The following DNER variants were observed in gnomAD, a reference collection of about 807,000 sequenced individuals.
The protein encoded by DNER is delta and Notch-like epidermal growth factor-related receptor.
Under a neutral mutation model 78.2 loss-of-function variants are expected in DNER, and 33 were observed. The observed-to-expected ratio is 0.42, with a 90% confidence interval of 0.32 to 0.56. The LOEUF is 0.56. DNER is among the 20% of genes least tolerant of loss of function. The pLI is 0.11. For missense variants in DNER, 918 were observed against 975.3 expected, an observed-to-expected ratio of 0.94 and a Z score of 0.78; for synonymous variants, 417 against 384.8, an observed-to-expected ratio of 1.08 and a Z score of -0.98.
At chr2:229,379,893 C>G (rs1692696261) in intron 11 of DNER, among the ~76,000 whole-genome samples, 1 of 152,190 alleles carries the variant, frequency 6.6e-6, no homozygotes, top group African/African-American at 2.4e-5. Context: ...CCTTTTCAGT[C>G]CCTTGTCTCT....
intron 1 of DNER, among the ~76,000 whole-genome samples, chr2:229,681,448 T>C (rs1197272936): frequency 6.6e-6 from 1 of 152,166 alleles, no homozygotes; most frequent in African/African-American, 2.4e-5. Context: ...TCAGACATGG[T>C]GTTACTCCTT....
chr2:229,430,213 A>G (rs190581733), intron 8 of DNER, among the ~76,000 whole-genome samples: 1 of 152,340 alleles, frequency 6.6e-6, no homozygotes, highest in East Asian at 1.9e-4. Context: ...AAATATGTAT[A>G]TTCATGTTTT....
At chr2:229,506,901 T>C (rs1490088209) in intron 6 of DNER, among the ~76,000 whole-genome samples, 4 of 152,206 alleles carry the variant, frequency 2.6e-5, no homozygotes, top group Non-Finnish European at 5.9e-5. Context: ...GATGGGGATA[T>C]GTTTTAAGAA....
At chr2:229,431,175 C>A (rs73100297) in intron 8 of DNER, among the ~76,000 whole-genome samples, 4,979 of 152,056 alleles carry the variant, frequency 0.033, 267 homozygotes, top group African/African-American at 0.11. Context: ...CAGTAAAAAC[C>A]AAACGACCAC....
chr2:229,708,099 A>G lies in DNER; in HGVS notation c.276+6049T>C, dbSNP rs964516774. Among the ~76,000 whole-genome samples, 15 of 152,338 alleles carry G rather than the reference A, an allele frequency of 9.8e-5. No homozygotes were observed. In the South Asian group the frequency reaches 1.9e-3, roughly 19 times the overall value. ...AAGTTCACTTTGAGATGCAAAATCT[A>G]TACCATTTGAGGAGGGTGTGGACCA... On this transcript the variant is annotated intron_variant, in intron 1 of 12. Transcript: ENST00000341772.
chr2:229,585,832 T>C, intron 4 of DNER, 26 bp downstream of exon 4: 2 of 1,613,388 alleles, frequency 1.2e-6, no homozygotes, highest in Admixed American at 1.7e-5. Flanking sequence ...AGATGCAGTG[T>C]TGAGTAGAAG....
intron 1 of DNER, among the ~76,000 whole-genome samples, chr2:229,700,303 T>TGTGTGTCTGTGTGA (rs1559213957): frequency 6.7e-5 from 10 of 149,618 alleles, no homozygotes; most frequent in Non-Finnish European, 1.5e-4. Flanking sequence ...TGTGTGTGTG[T>TGTGTGTCTGTGTGA]GTGTGTGTGT....
At chr2:229,645,985 A>G (rs1228896731) in intron 1 of DNER, among the ~76,000 whole-genome samples, 1 of 152,134 alleles carries the variant, frequency 6.6e-6, no homozygotes, top group African/African-American at 2.4e-5. Flanking sequence ...TGTCTGGGGG[A>G]ATCTATTCCT....
At chr2:229,587,641 C>T (rs1354291014) in intron 3 of DNER, among the ~76,000 whole-genome samples, 1 of 152,186 alleles carries the variant, frequency 6.6e-6, no homozygotes, top group Non-Finnish European at 1.5e-5. Context: ...ACAGCAAATG[C>T]CCCTTAGGTT....
At chr2:229,547,691 C>A (rs1376321344) in intron 4 of DNER, among the ~76,000 whole-genome samples, 1 of 152,182 alleles carries the variant, frequency 6.6e-6, no homozygotes, top group Non-Finnish European at 1.5e-5. Context: ...CAATCTGACT[C>A]CACAGTATCA....
intron 7 of DNER, among the ~76,000 whole-genome samples, chr2:229,474,397 T>C (rs1018517680): frequency 5.3e-5 from 8 of 152,208 alleles, no homozygotes; most frequent in Non-Finnish European, 1.2e-4. Context: ...AGCCTGCTTT[T>C]CCCTGCTCAG....
intron 6 of DNER, among the ~76,000 whole-genome samples, chr2:229,477,504 G>A (rs148375745): frequency 2.0e-5 from 3 of 152,216 alleles, no homozygotes; most frequent in East Asian, 1.9e-4. Flanking sequence ...ACATTTCTTC[G>A]GCATTAGGTC....
intron 10 of DNER, among the ~76,000 whole-genome samples, chr2:229,399,431 A>G (rs1693221870): frequency 6.6e-6 from 1 of 152,030 alleles, no homozygotes; most frequent in African/African-American, 2.4e-5. Context: ...TGTGTTCATG[A>G]ATTGGAAAAC....
At chr2:229,551,864 G>A (rs1056834046) in intron 4 of DNER, among the ~76,000 whole-genome samples, 9 of 151,598 alleles carry the variant, frequency 5.9e-5, no homozygotes, top group Admixed American at 3.9e-4. Flanking sequence ...CCCGGGAGGC[G>A]GAGGTTGCAG....
chr2:229,609,605 C>A (rs1016764431), intron 1 of DNER, among the ~76,000 whole-genome samples: 1 of 152,126 alleles, frequency 6.6e-6, no homozygotes, highest in Non-Finnish European at 1.5e-5. Flanking sequence ...ACTATCCGCC[C>A]TTTACAGAAA....
intron 5 of DNER, among the ~76,000 whole-genome samples, chr2:229,545,067 T>C (rs973923335): frequency 1.3e-5 from 2 of 152,174 alleles, no homozygotes; most frequent in African/African-American, 4.8e-5. Context: ...CCATGCTCTT[T>C]TGGGGTTTGG....
chr2:229,363,421 A>G (rs979413857), intron 12 of DNER, among the ~76,000 whole-genome samples: 6 of 152,222 alleles, frequency 3.9e-5, no homozygotes, highest in Non-Finnish European at 7.3e-5. Flanking sequence ...GTTTTTGCCA[A>G]TGCCTTTCTA....
chr2:229,475,511 C>A (rs1484207963), intron 7 of DNER, among the ~76,000 whole-genome samples: 6 of 152,348 alleles, frequency 3.9e-5, no homozygotes, highest in Non-Finnish European at 7.3e-5. Flanking sequence ...CCTATTCCTG[C>A]ATGTAATTAC....
chr2:229,394,836 A>G (rs2106338972), intron 10 of DNER, among the ~76,000 whole-genome samples: 1 of 152,312 alleles, frequency 6.6e-6, no homozygotes, highest in South Asian at 2.1e-4. Flanking sequence ...TCAAACATAC[A>G]TCTGTATTGT....
Sources: allele counts gnomAD v4.1 joint callset (sites outside exome capture counted in the v4.1 genomes callset), GRCh38; gene constraint gnomAD v4.1.1; transcripts MANE v1.5; gene names NCBI Gene and HGNC (gene_info 2026-07-23, HGNC 2026-07-21).